MST1R: variants seen among roughly 807,000 people sequenced by gnomAD.
The protein encoded by MST1R is macrophage-stimulating protein receptor.
A neutral mutation model predicts 117.8 loss-of-function variants in MST1R; 99 were observed. The ratio of observed to expected loss-of-function variants is 0.84; its 90% CI spans 0.71 to 0.99. MST1R has a LOEUF of 0.99. Ranked by LOEUF, MST1R falls within the 50% of genes least tolerant of loss-of-function variation. The pLI is 0.00. For missense variants in MST1R, 1,683 were observed against 1,840.2 expected (o/e 0.91, Z 1.56); for synonymous variants, 734 against 765.3 (o/e 0.96, Z 0.68).
At position 49,898,194 on chromosome 3, in the gene MST1R, T is replaced by C; in HGVS notation, c.1737A>G (p.Gly579=). 1.2e-6 allele frequency: 2 copies of C among 1,613,606 alleles called. No individual in the cohort carries two copies. Residue 579 remains glycine, a synonymous_variant, in exon 5 of 20, where the codon GGA becomes GGG. Transcript: ENST00000296474. ...TCAGCCTTGTACTGCCCCTTAGAGG[T>C]CCACTGTGGGGGTGGAACTGAAATG... The part of the protein sequence containing the change: ...PKLTEFHPHS[G]PLRGSTRLTL...
At chr3:49,895,666 C>G (rs1373344041) in intron 12 of MST1R, 49 bp downstream of exon 12, 1 of 1,612,304 alleles carries the variant, frequency 6.2e-7, no homozygotes, top group East Asian at 2.2e-5. Flanking sequence ...CTTGAAGATG[C>G]CATTGGTTGG....
At chr3:49,887,818 T>C (rs2082207545) in intron 19 of MST1R, among the ~76,000 whole-genome samples, 1 of 152,276 alleles carries the variant, frequency 6.6e-6, no homozygotes, top group African/African-American at 2.4e-5. Flanking sequence ...GCCTGGGCTA[T>C]GTGATCTTGG....
In MST1R at chr3:49,898,960, A is replaced by T; in HGVS notation, c.1455T>A (p.Tyr485Ter). 2 of 1,614,194 alleles carry T rather than the reference A, an allele frequency of 1.2e-6. No homozygotes were observed. Among genetic ancestry groups the T allele is most frequent in the Non-Finnish European group, 1.7e-6 (2 of 1,180,050 alleles). The change falls in exon 3 of 20, where the codon TAT becomes TAA. Residue 485 changes from tyrosine to a stop codon, truncating the protein, a stop_gained. Transcript: ENST00000296474. LOFTEE classifies it high-confidence loss of function. ...ELVRSLNYLLYVSNFSLGDSG... is the reference protein window; with the variant it reads ...ELVRSLNYLL ...TGTCACCCAGTGAGAAGTTGGACACATACAGCAAGTAGTTTAGTGACCTGA... is the reference window on the plus strand; with the variant it reads ...TGTCACCCAGTGAGAAGTTGGACACTTACAGCAAGTAGTTTAGTGACCTGA...
At chr3:49,899,443 A>C in intron 1 of MST1R, 180 bp from the exon 2 acceptor site, 1 of 647,820 alleles carries the variant, frequency 1.5e-6, no homozygotes, top group Non-Finnish European at 2.6e-6. Context: ...CAGTGTAGCA[A>C]GGGCAGGGAG....
chr3:49,893,828 G>C (rs534866857), intron 14 of MST1R, among the ~76,000 whole-genome samples: 2 of 151,372 alleles, frequency 1.3e-5, no homozygotes, highest in African/African-American at 2.4e-5. Flanking sequence ...GAACCTGGGA[G>C]GCGGAGCTTG....
At chr3:49,899,324 G>T (rs1477282458) in intron 1 of MST1R, 61 bp from the exon 2 acceptor site, 129 of 1,578,424 alleles carry the variant, frequency 8.2e-5, no homozygotes, top group Non-Finnish European at 1.1e-4. Context: ...ACCCTCTGGG[G>T]CCTTTGTCAG....
At chr3:49,900,694 T>C (rs1434837259) in intron 1 of MST1R, among the ~76,000 whole-genome samples, 1 of 152,186 alleles carries the variant, frequency 6.6e-6, no homozygotes, top group Non-Finnish European at 1.5e-5. Flanking sequence ...GTTTCTAGCA[T>C]GACTCAGGGA....
intron 17 of MST1R, among the ~76,000 whole-genome samples, chr3:49,890,899 TGTATTTTTA>T (rs1352264669): frequency 6.6e-6 from 1 of 152,192 alleles, no homozygotes; most frequent in Non-Finnish European, 1.5e-5. Flanking sequence ...CTAATCTTTT[TGTATTTTTA>T]GTAGAGACGG....
intron 17 of MST1R, 124 bp from the exon 18 acceptor site, chr3:49,890,774 G>A: frequency 1.1e-6 from 1 of 917,436 alleles, no homozygotes. Flanking sequence ...CACCCAGGCT[G>A]GAGTGCAGTG....
intron 4 of MST1R, 90 bp from the exon 5 acceptor site, chr3:49,898,301 G>A: frequency 6.5e-7 from 1 of 1,544,856 alleles, no homozygotes; most frequent in East Asian, 2.3e-5. Context: ...CATACCCCTT[G>A]CCTTCCCCAC....
In MST1R at chr3:49,891,447, G is replaced by A. The variant is rs372914186; in HGVS notation, c.3486C>T (p.Pro1162=). ...PPEGLPHVLL[P]YMCHGDLLQF... ...GGAGCAGGTCACCGTGGCACATATA[G>A]GGCAGCAGCACATGGGGCAGGCCCT... The change falls in exon 16 of 20, where the codon CCC becomes CCT. Residue 1162 remains proline (P), a synonymous_variant. Coordinates refer to ENST00000296474, the MANE Select transcript of MST1R (RefSeq NM_002447.4). 1.2e-6 allele frequency: 2 copies of A among 1,614,024 alleles called. No homozygotes were observed. The highest frequency in any genetic ancestry group is 8.5e-7 in the Non-Finnish European group (1 of 1,180,046).
intron 14 of MST1R, among the ~76,000 whole-genome samples, chr3:49,892,504 G>A (rs1367698911): frequency 6.6e-6 from 1 of 151,720 alleles, no homozygotes; most frequent in African/African-American, 2.4e-5. Context: ...TCCAGCCTGA[G>A]AGACAGGGCG....
At chr3:49,897,762 G>A (rs930509604) in intron 5 of MST1R, 77 bp from the exon 6 acceptor site, 89 of 1,505,510 alleles carry the variant, frequency 5.9e-5, no homozygotes, top group Non-Finnish European at 7.8e-5. Flanking sequence ...AAGCCACAGG[G>A]CTCCTCTGAG....
intron 5 of MST1R, 78 bp downstream of exon 5, chr3:49,897,972 GC>G: frequency 6.3e-7 from 1 of 1,591,758 alleles, no homozygotes; most frequent in South Asian, 1.1e-5. Context: ...CCTCTGATAA[GC>G]AGAGAACAGG....
intron 3 of MST1R, 74 bp downstream of exon 3, chr3:49,898,793 A>G (rs1559479776): frequency 1.2e-6 from 2 of 1,607,936 alleles, no homozygotes; most frequent in East Asian, 2.2e-5. Flanking sequence ...CTGTATGTCA[A>G]TGCCTCCCTG....
chr3:49,900,688 C>T (rs1316237689), intron 1 of MST1R, among the ~76,000 whole-genome samples: 1 of 152,186 alleles, frequency 6.6e-6, no homozygotes, highest in Non-Finnish European at 1.5e-5. Context: ...CCAGGTGTTT[C>T]TAGCATGACT....
At position 49,895,709 on chromosome 3, in the gene MST1R, A is replaced by G. The variant is rs2108435884; in HGVS notation, c.2962+6T>C. Reference sequence around the variant, plus strand: ...GGCTGATTAAAGGTAGGAGCAGAGAACTCACCTAGCTGCTTCCTCCGCCAC... The same window carrying G: ...GGCTGATTAAAGGTAGGAGCAGAGAGCTCACCTAGCTGCTTCCTCCGCCAC... On this transcript the variant is annotated splice_donor_region_variant and intron_variant, in intron 12 of 19. Coordinates refer to ENST00000296474, the MANE Select transcript of MST1R (RefSeq NM_002447.4). The G allele has an allele frequency of 6.2e-7, 1 of 1,611,776 alleles. No homozygotes were observed.
intron 14 of MST1R, 90 bp downstream of exon 14, chr3:49,895,077 C>G (rs1173767674): frequency 1.4e-6 from 2 of 1,417,950 alleles, no homozygotes; most frequent in Admixed American, 3.4e-5. Context: ...TCCCAAAGTG[C>G]TGGGATTACA....
In MST1R at chr3:49,899,205, C is replaced by A; in HGVS notation, c.1289G>T (p.Ser430Ile). Residue 430 changes from serine (S) to isoleucine (I), a missense_variant, in exon 2 of 20, where the codon AGT (serine) becomes ATT (isoleucine). Physicochemically the swap from Ser to Ile is moderately radical, Grantham distance 142. Transcript: ENST00000296474. ...TAGGTCCACACGTGAGAAGCTGCTA[C>A]TGACCAGCAGAGGGAAGTGGCGGCA... Reference protein sequence around the residue: ...TSCRHFPLLVSSSFSRVDLFN... With the variant: ...TSCRHFPLLVISSFSRVDLFN... 2 of 1,614,238 alleles carry A rather than the reference C, an allele frequency of 1.2e-6. No homozygotes were observed. The highest frequency in any genetic ancestry group is 1.1e-5 in the South Asian group (1 of 91,090).
Sources: gnomAD v4.1 joint callset for allele counts (sites outside exome capture counted in the v4.1 genomes callset) on GRCh38, gnomAD v4.1.1 for gene constraint, MANE v1.5 for transcripts, NCBI Gene and HGNC (gene_info 2026-07-23, HGNC 2026-07-21) for gene names.